DPP6: variants seen among roughly 807,000 people sequenced by gnomAD.
DPP6 encodes dipeptidyl peptidase like 6.
A neutral mutation model predicts 122.6 loss-of-function variants in DPP6; 69 were observed. That is an observed-to-expected ratio of 0.56 (90% confidence interval 0.46 to 0.69). DPP6 has a LOEUF of 0.69. Among genes scored for constraint, DPP6 ranks in the 30% least tolerant of loss-of-function variants. The pLI, the probability that DPP6 is intolerant of heterozygous loss-of-function variation, is 0.00. For missense variants in DPP6, 928 were observed against 1,116.9 expected (o/e 0.83, Z 2.41); for synonymous variants, 418 against 433.1 (o/e 0.97, Z 0.43).
At chr7:154,813,902 T>C (rs1440206402) in intron 16 of DPP6, among the ~76,000 whole-genome samples, 2 of 94,048 alleles carry the variant, frequency 2.1e-5, no homozygotes, top group Non-Finnish European at 4.4e-5. Flanking sequence ...TTTTTTGAGA[T>C]GGAGTTTTGT....
chr7:154,125,528 G>A (rs1807815660), intron 1 of DPP6, among the ~76,000 whole-genome samples: 1 of 152,142 alleles, frequency 6.6e-6, no homozygotes, highest in South Asian at 2.1e-4. Flanking sequence ...ACGCTTCCAG[G>A]CCTGGCAGTC....
intron 1 of DPP6, among the ~76,000 whole-genome samples, chr7:154,425,607 TGTGTGTGTGTGTGG>T (rs1563648420): frequency 1.8e-3 from 158 of 86,940 alleles, no homozygotes; most frequent in African/African-American, 9.4e-3. Context: ...GAAAAAAATG[TGTGTGTGTGTGTGG>T]GTGTGTGTGT....
chr7:153,951,863 T>C (rs1802233346), intron 1 of DPP6, among the ~76,000 whole-genome samples: 1 of 152,008 alleles, frequency 6.6e-6, no homozygotes, highest in Admixed American at 6.6e-5. Context: ...GTCAACATGG[T>C]GAAACCCCGT....
At chr7:154,586,768 C>T (rs562820332) in intron 5 of DPP6, among the ~76,000 whole-genome samples, 3 of 152,324 alleles carry the variant, frequency 2.0e-5, no homozygotes, top group African/African-American at 7.2e-5. Flanking sequence ...CCTTCTCTAC[C>T]TTGTCCAGCT....
chr7:154,415,098 C>G (rs1816913883), intron 1 of DPP6, among the ~76,000 whole-genome samples: 2 of 152,130 alleles, frequency 1.3e-5, no homozygotes, highest in Admixed American at 1.3e-4. Flanking sequence ...CCTGATAGAT[C>G]CTTCTTCCTC....
chr7:153,946,635 A>G (rs1184234849), intron 1 of DPP6, among the ~76,000 whole-genome samples: 3 of 152,102 alleles, frequency 2.0e-5, no homozygotes, highest in African/African-American at 7.2e-5. Context: ...GCAGCCCAGT[A>G]GGTCTCAGCC....
At chr7:154,730,549 T>G (rs1166077179) in intron 8 of DPP6, among the ~76,000 whole-genome samples, 2 of 152,192 alleles carry the variant, frequency 1.3e-5, no homozygotes, top group Admixed American at 1.3e-4. Flanking sequence ...TTACTATTAT[T>G]GTAATTATTT....
At chr7:154,622,895 C>G (rs1834787876) in intron 5 of DPP6, among the ~76,000 whole-genome samples, 1 of 152,136 alleles carries the variant, frequency 6.6e-6, no homozygotes, top group Non-Finnish European at 1.5e-5. Flanking sequence ...TCTGTCTTAC[C>G]CAAGAAGGGA....
At chr7:154,814,434 C>T (rs1308644865) in intron 16 of DPP6, among the ~76,000 whole-genome samples, 1 of 152,120 alleles carries the variant, frequency 6.6e-6, no homozygotes, top group African/African-American at 2.4e-5. Context: ...ATGAAAGTGG[C>T]TGTGTATTCA....
intron 1 of DPP6, among the ~76,000 whole-genome samples, chr7:154,187,169 A>G (rs1798390435): frequency 6.6e-6 from 1 of 152,268 alleles, no homozygotes; most frequent in African/African-American, 2.4e-5. Context: ...GGGTACTCGT[A>G]TGAAATGGAA....
At chr7:154,565,594 C>T (rs894108611) in intron 4 of DPP6, among the ~76,000 whole-genome samples, 4 of 151,918 alleles carry the variant, frequency 2.6e-5, no homozygotes, top group African/African-American at 4.8e-5. Flanking sequence ...GGCGCGATCT[C>T]GGTCCGCCAC....
At position 154,619,733 on chromosome 7, in the gene DPP6, A is replaced by G. The variant is rs544344124; in HGVS notation, c.628-18088A>G. On this transcript the variant is annotated intron_variant, in intron 5 of 25. Coordinates refer to ENST00000377770, the MANE Select transcript of DPP6 (RefSeq NM_130797.4). ...TAGATGTGTATATGTGTAGATATAC[A>G]ACCACATTATACGTTATACTTAGAA... is the stretch of plus-strand genomic sequence containing the variant. Among the ~76,000 whole-genome samples the G allele has an allele frequency of 6.3e-4, 96 of 152,090 alleles. 1 individual carries two copies. The South Asian group carries it at 0.016, about 26-fold the overall frequency.
At chr7:154,817,629 G>A (rs1159546329) in intron 16 of DPP6, among the ~76,000 whole-genome samples, 1 of 152,196 alleles carries the variant, frequency 6.6e-6, no homozygotes, top group African/African-American at 2.4e-5. Flanking sequence ...AACATCATGA[G>A]TGAATGATTA....
chr7:154,500,549 G>A (rs918776694), intron 3 of DPP6, among the ~76,000 whole-genome samples: 1 of 152,158 alleles, frequency 6.6e-6, no homozygotes, highest in African/African-American at 2.4e-5. Context: ...GATAGCGAAT[G>A]AGTCTCATGA....
chr7:154,700,019 T>A (rs1840428613), intron 7 of DPP6, among the ~76,000 whole-genome samples: 1 of 152,166 alleles, frequency 6.6e-6, no homozygotes, highest in Non-Finnish European at 1.5e-5. Flanking sequence ...GAAATGAAAA[T>A]CATAATCCAT....
At chr7:154,251,970 A>G (rs922598039) in intron 1 of DPP6, among the ~76,000 whole-genome samples, 1 of 152,252 alleles carries the variant, frequency 6.6e-6, no homozygotes, top group South Asian at 2.1e-4. Context: ...GACAGTTAAT[A>G]TTAATCATTT....
At chr7:154,475,343 T>G (rs774915016) in intron 3 of DPP6, 25 of 376,500 alleles carry the variant, frequency 6.6e-5, no homozygotes, top group Non-Finnish European at 1.1e-4. Flanking sequence ...CCGGGGGAGC[T>G]GTGGGGTGTT....
At chr7:154,762,022 C>T (rs1795590547) in intron 8 of DPP6, among the ~76,000 whole-genome samples, 1 of 152,162 alleles carries the variant, frequency 6.6e-6, no homozygotes, top group Non-Finnish European at 1.5e-5. Flanking sequence ...AGTCAGATCT[C>T]ATGAGAAGCC....
chr7:153,973,093 TG>T (rs1440038921), intron 1 of DPP6, among the ~76,000 whole-genome samples: 1 of 151,962 alleles, frequency 6.6e-6, no homozygotes, highest in African/African-American at 2.4e-5. Context: ...AATAAATAAT[TG>T]AAAACATATT....
Sources: allele counts gnomAD v4.1 joint callset (sites outside exome capture counted in the v4.1 genomes callset), GRCh38; gene constraint gnomAD v4.1.1; transcripts MANE v1.5; gene names NCBI Gene and HGNC (gene_info 2026-07-23, HGNC 2026-07-21).